The following WDR90 variants were observed in gnomAD, a reference collection of about 807,000 sequenced individuals.
The protein encoded by WDR90 is WD repeat domain 90.
In WDR90, 238 loss-of-function variants were observed where a neutral mutation model predicts 195.2. The observed-to-expected ratio is 1.22, with a 90% confidence interval of 1.10 to 1.36. The LOEUF (loss-of-function observed/expected upper bound fraction) is 1.36. WDR90 is among the 40% of genes most tolerant of loss of function. The pLI is 0.00. For missense variants in WDR90, 2,734 were observed against 2,439.5 expected (o/e 1.12, Z -2.54); for synonymous variants, 1,265 against 1,052.4 (o/e 1.20, Z -3.91).
At chr16:659,154 A>C (rs888066579) in intron 25 of WDR90, 28 bp downstream of exon 25, 2 of 1,610,618 alleles carry the variant, frequency 1.2e-6, no homozygotes, top group Non-Finnish European at 1.7e-6. Flanking sequence ...GCTGGGGTGC[A>C]GGTGCTGCGC....
At position 659,307 on chromosome 16, in the gene WDR90, G is replaced by C; in HGVS notation, c.3115G>C (p.Val1039Leu). Residue 1039 changes from valine to leucine, a missense_variant, in exon 26 of 41, where the codon GTC becomes CTC. Val to Leu is a conservative substitution (Grantham distance 32, BLOSUM62 1). Coordinates refer to ENST00000293879, the MANE Select transcript of WDR90 (RefSeq NM_145294.5). ...SRASELPRQQ[V>L]PKPCQASPPR... ...GGCCAGCGAGCTCCCCCGGCAGCAGGTCCCCAAGCCATGTCAGGCATCTCC... is the reference window on the plus strand; with the variant it reads ...GGCCAGCGAGCTCCCCCGGCAGCAGCTCCCCAAGCCATGTCAGGCATCTCC... 1 of 1,600,744 alleles carries C rather than the reference G, an allele frequency of 6.2e-7. No individual in the cohort carries two copies. Among genetic ancestry groups the C allele is most frequent in the Non-Finnish European group, 8.5e-7 (1 of 1,174,704 alleles).
At chr16:651,595 A>G (rs1261879214) in intron 7 of WDR90, 49 bp from the exon 8 acceptor site, 1 of 1,580,490 alleles carries the variant, frequency 6.3e-7, no homozygotes, top group Non-Finnish European at 8.6e-7. Context: ...CTCACCAGGC[A>G]TCTGCACAGC....
In WDR90 at chr16:655,629, T is replaced by A; in HGVS notation, c.1775T>A (p.Val592Glu). ...ILEIDCQRMV[V>E]RHARRLLPTR... ...GAGATTGACTGTCAGCGCATGGTCG[T>A]GCGGCATGCCCGCCGCCTGCTCCCC... Residue 592 changes from valine (V) to glutamate (E), a missense_variant, in exon 16 of 41, where the codon GTG (valine) becomes GAG (glutamate). Val to Glu is a moderately radical substitution (Grantham distance 121). Coordinates refer to ENST00000293879, the MANE Select transcript of WDR90 (RefSeq NM_145294.5). 2 of 1,609,040 alleles carry A rather than the reference T, an allele frequency of 1.2e-6. No individual in the cohort carries two copies. The highest frequency in any genetic ancestry group is 8.5e-7 in the Non-Finnish European group (1 of 1,177,980).
At chr16:665,160 C>G (rs1327496760) in intron 34 of WDR90, 1 of 229,742 alleles carries the variant, frequency 4.4e-6, no homozygotes, top group Non-Finnish European at 8.9e-6. Flanking sequence ...TCCCCCCAAT[C>G]AGCGTGCAGC....
intron 35 of WDR90, 58 bp from the exon 36 acceptor site, chr16:665,892 G>T (rs1025258799): frequency 5.1e-6 from 8 of 1,558,588 alleles, no homozygotes; most frequent in Non-Finnish European, 7.0e-6. Flanking sequence ...CCTCTGGCCT[G>T]GGTGTGTGTC....
rs1331054361 is a variant in WDR90, at chr16:657,215, G to A, written c.2467G>A (p.Val823Met). ...GGACCCCCAGTGGCATGTCCTCCGAGTGGCAGGTTGGGCCCCCTGCAGCCA... is the reference window on the plus strand; with the variant it reads ...GGACCCCCAGTGGCATGTCCTCCGAATGGCAGGTTGGGCCCCCTGCAGCCA... ...CADPQWHVLR[V>M]AADMVCPDAP... The change falls in exon 20 of 41, where the codon GTG becomes ATG. Residue 823 changes from valine (V) to methionine (M), a missense_variant. Transcript: ENST00000293879. 2 of 1,546,230 alleles carry A rather than the reference G, an allele frequency of 1.3e-6. No homozygotes were observed. The highest frequency in any genetic ancestry group is 1.4e-5 in the African/African-American group (1 of 73,000).
At chr16:655,217 C>T (rs1037066553) in intron 14 of WDR90, 70 bp downstream of exon 14, 2 of 1,612,186 alleles carry the variant, frequency 1.2e-6, no homozygotes, top group African/African-American at 2.7e-5. Flanking sequence ...GGCCCGAGCA[C>T]CTCCCCCTGG....
chr16:651,206 A>T lies in WDR90; in HGVS notation c.676A>T (p.Ser226Cys). Residue 226 changes from serine to cysteine, a missense_variant, in exon 7 of 41, where the codon AGT (serine) becomes TGT (cysteine). By Grantham distance (112) the Ser-to-Cys change is moderately radical. Coordinates refer to ENST00000293879, the MANE Select transcript of WDR90 (RefSeq NM_145294.5). ...HDRYIHVRFP[S>C]ESLKVPSKPI... ...CTCCCTCTGCCTGCCAAGGTTTCCA[A>T]GTGAGAGCTTGAAAGTGCCTTCCAA... The T allele has an allele frequency of 6.2e-7, 1 of 1,613,092 alleles. No individual in the cohort carries two copies. The highest frequency in any genetic ancestry group is 8.5e-7 in the Non-Finnish European group (1 of 1,179,970).
Position 651,754 on chromosome 16 carries a change from A to G in WDR90, c.840+7A>G, listed in dbSNP as rs760590009. 6.2e-7 allele frequency: 1 copy of G among 1,612,756 alleles called. No homozygotes were observed. The highest frequency in any genetic ancestry group is 2.2e-5 in the East Asian group (1 of 44,874). Reference sequence around the variant, plus strand: ...GACGCCCAGCCCCACAGCCGTGAGTACCCCCTTCGCCCTATGAGATGGGGT... The same window carrying G: ...GACGCCCAGCCCCACAGCCGTGAGTGCCCCCTTCGCCCTATGAGATGGGGT... On this transcript the variant is annotated splice_region_variant and intron_variant, in intron 8 of 40. Transcript: ENST00000293879.
Position 656,802 on chromosome 16 carries a change from T to G in WDR90, c.2273T>G (p.Phe758Cys), listed in dbSNP as rs747930419. The G allele has an allele frequency of 4.3e-6, 7 of 1,613,062 alleles. No individual in the cohort carries two copies. The East Asian group carries it at 6.7e-5, about 15-fold the overall frequency. Reference protein sequence around the residue: ...VTFHPTRPTFFCGFSSGAVRS... With the variant: ...VTFHPTRPTFCCGFSSGAVRS... ...TTCCACCCCACAAGGCCAACCTTTT[T>G]CTGTGGCTTTAGCAGTGGGGCCGTG... is the stretch of plus-strand genomic sequence containing the variant. The change falls in exon 19 of 41, where the codon TTC becomes TGC. Residue 758 changes from phenylalanine (F) to cysteine (C), a missense_variant. By Grantham distance (205) the Phe-to-Cys change is radical. Transcript: ENST00000293879.
rs573253866 is a variant in WDR90 at position 661,363 on chromosome 16, C to T, written c.3535C>T (p.Arg1179Ter). The change falls in exon 30 of 41, where the codon CGA becomes TGA. Residue 1179 changes from arginine (R) to a stop codon, truncating the protein, a stop_gained. Transcript: ENST00000293879. LOFTEE classifies it high-confidence loss of function. ...SAQVLASASG[R>*]SSTTAHCQIR... ...CCAGGTCCTGGCCTCTGCCTCGGGC[C>T]GAAGCAGCACGACCGCCCATTGTCA... The T allele has an allele frequency of 2.5e-5, 40 of 1,607,276 alleles. No homozygotes were observed. The highest frequency in any genetic ancestry group is 8.4e-5 in the Admixed American group (5 of 59,832).
chr16:663,055 G>A (rs1241854219), intron 34 of WDR90: 6 of 735,054 alleles, frequency 8.2e-6, no homozygotes, highest in Admixed American at 8.0e-5. Context: ...CCGCCTGGCA[G>A]GCCTTGCAGG....
At position 661,581 on chromosome 16, in the gene WDR90, T is replaced by G; in HGVS notation, c.3674-16T>G. ...GCATCTGTGCACCTGACGTGGCTGC[T>G]CTGTGTCCTTCCCAGGGGACCACGA... On this transcript the variant is annotated splice_polypyrimidine_tract_variant and intron_variant, in intron 30 of 40. Transcript: ENST00000293879. 2 of 1,581,718 alleles carry G rather than the reference T, an allele frequency of 1.3e-6. No individual in the cohort carries two copies. The highest frequency in any genetic ancestry group is 1.7e-6 in the Non-Finnish European group (2 of 1,160,458).
intron 13 of WDR90, chr16:654,752 G>A (rs567954291): frequency 2.3e-5 from 11 of 479,552 alleles, no homozygotes; most frequent in South Asian, 1.7e-4. Flanking sequence ...GCCCAGCCAC[G>A]AGCTGCTTTT....
chr16:650,216 G>A (rs1247800591), intron 3 of WDR90, 38 bp from the exon 4 acceptor site: 8 of 1,610,838 alleles, frequency 5.0e-6, no homozygotes, highest in South Asian at 4.4e-5. Context: ...GCACCCCTGC[G>A]GCCCCTGTCT....
intron 28 of WDR90, 151 bp from the exon 29 acceptor site, chr16:660,900 C>A (rs1020580439): frequency 2.4e-6 from 2 of 841,542 alleles, no homozygotes; most frequent in Non-Finnish European, 3.4e-6. Flanking sequence ...CTACTGGACG[C>A]TGGGGAGGGC....
Position 650,096 on chromosome 16 carries a change from C to G in WDR90, c.208C>G (p.Arg70Gly). ...CACCCAGTCTCTGGGGCTGACGGGACGATACCTGTATGTGCTCTTTCGGCC... is the reference window on the plus strand; with the variant it reads ...CACCCAGTCTCTGGGGCTGACGGGAGGATACCTGTATGTGCTCTTTCGGCC... ...SSTQSLGLTG[R>G]YLYVLFRPLP... Residue 70 changes from arginine (R) to glycine (G), a missense_variant, in exon 3 of 41, where the codon CGA becomes GGA. Transcript: ENST00000293879. 1.2e-6 allele frequency: 2 copies of G among 1,613,106 alleles called. No individual in the cohort carries two copies. Among genetic ancestry groups the G allele is most frequent in the East Asian group, 2.2e-5 (1 of 44,878 alleles).
At chr16:660,957 C>CCCTCCCCATGCCCCCCCACCGCCCGGCCT in intron 28 of WDR90, 94 bp from the exon 29 acceptor site, 1 of 379,748 alleles carries the variant, frequency 2.6e-6, no homozygotes, top group South Asian at 6.4e-5. Flanking sequence ...ACGGCTCGGC[C>CCCTCCCCATGCCCCCCCACCGCCCGGCCT]CAGGCCCCGC....
rs1489501782 is a variant in WDR90 at position 657,200 on chromosome 16, T to G, written c.2452T>G (p.Trp818Gly). 3 of 1,552,778 alleles carry G rather than the reference T, an allele frequency of 1.9e-6. No individual in the cohort carries two copies. Among genetic ancestry groups the G allele is most frequent in the African/African-American group, 2.7e-5 (2 of 73,132 alleles). Reference protein sequence around the residue: ...LAQYSCADPQWHVLRVAADMV... With the variant: ...LAQYSCADPQGHVLRVAADMV... The stretch of plus-strand genomic sequence containing the variant: ...CCAGTACAGCTGTGCGGACCCCCAG[T>G]GGCATGTCCTCCGAGTGGCAGGTTG... Residue 818 changes from tryptophan (W) to glycine (G), a missense_variant, in exon 20 of 41, where the codon TGG (tryptophan) becomes GGG (glycine). Trp to Gly is a radical substitution (Grantham distance 184). Transcript: ENST00000293879.
Sources: gnomAD v4.1 joint callset for allele counts on GRCh38, gnomAD v4.1.1 for gene constraint, MANE v1.5 for transcripts, NCBI Gene and HGNC (gene_info 2026-07-23, HGNC 2026-07-21) for gene names.